The following HELZ variants were observed in gnomAD, a reference collection of about 807,000 sequenced individuals.
HELZ encodes helicase with zinc finger.
In HELZ, 23 loss-of-function variants were observed where a neutral mutation model predicts 218.2. The ratio of observed to expected loss-of-function variants is 0.11; its 90% CI spans 0.08 to 0.15. HELZ has a LOEUF of 0.15. HELZ is among the 10% of genes least tolerant of loss of function. The probability of loss-of-function intolerance (pLI) is 1.00; values close to 1 mark genes in which losing one functional copy is unlikely to be tolerated. For synonymous variants in HELZ, 814 were observed against 829.4 expected (o/e 0.98, Z 0.32); for missense variants, 1,813 against 2,353.7 (o/e 0.77, Z 4.75).
At position 67,216,349 on chromosome 17, in the gene HELZ, C is replaced by T. The variant is rs1038123622; in HGVS notation, c.211-414G>A. ...CATGCTCCTTTCTAAAGTCAACCTACGCCTGTGCAGATCAACTCAGCCGCC... is the reference window on the plus strand; with the variant it reads ...CATGCTCCTTTCTAAAGTCAACCTATGCCTGTGCAGATCAACTCAGCCGCC... On this transcript the variant is annotated intron_variant, in intron 4 of 32. Coordinates refer to ENST00000358691, the MANE Select transcript of HELZ (RefSeq NM_014877.4). Among the ~76,000 whole-genome samples, 12 of 152,286 alleles carry T rather than the reference C, an allele frequency of 7.9e-5. No homozygotes were observed. The East Asian group carries it at 1.2e-3, about 15-fold the overall frequency.
intron 27 of HELZ, among the ~76,000 whole-genome samples, chr17:67,118,495 G>GA (rs1239837890): frequency 1.3e-5 from 2 of 151,562 alleles, no homozygotes; most frequent in African/African-American, 2.4e-5. Flanking sequence ...ATCCATAGAA[G>GA]AAAAAATGGA....
intron 3 of HELZ, among the ~76,000 whole-genome samples, chr17:67,222,754 G>T (rs949988081): frequency 1.3e-5 from 2 of 152,192 alleles, no homozygotes; most frequent in African/African-American, 4.8e-5. Context: ...AAGTCAAAAT[G>T]AGAAAACATC....
chr17:67,074,815 T>C lies in HELZ; in HGVS notation c.*3437A>G, dbSNP rs1400247134. On this transcript the variant is annotated 3_prime_UTR_variant, in exon 33 of 33. Transcript: ENST00000358691. ...CAGTTCTCTGAACTGAAAAGACCAG[T>C]TGATGTTTACATTAAACCTAAACTT... 1 of 152,136 alleles carries C rather than the reference T, an allele frequency of 6.6e-6. No homozygotes were observed. The highest frequency in any genetic ancestry group is 1.9e-4 in the East Asian group (1 of 5,186). The allele number at this position is 152,136 out of a possible 1,614,324, so 9.4% of individuals were successfully genotyped here. A position where few individuals can be genotyped will look rare whatever the true frequency, so the allele number is the denominator to read the frequency against.
At chr17:67,185,300 C>T (rs1419528223) in intron 12 of HELZ, among the ~76,000 whole-genome samples, 3 of 152,088 alleles carry the variant, frequency 2.0e-5, no homozygotes, top group East Asian at 3.8e-4. Context: ...TGGACTCTCC[C>T]GTGATAATCA....
At chr17:67,235,962 G>A (rs1291090328) in intron 3 of HELZ, among the ~76,000 whole-genome samples, 6 of 151,934 alleles carry the variant, frequency 3.9e-5, no homozygotes, top group East Asian at 1.9e-4. Context: ...GGGTTTCATC[G>A]TGTTAGCCAG....
chr17:67,079,372 T>C (rs2036116377), intron 32 of HELZ, among the ~76,000 whole-genome samples: 1 of 152,240 alleles, frequency 6.6e-6, no homozygotes, highest in Non-Finnish European at 1.5e-5. Flanking sequence ...GTTTTATTTT[T>C]CCCTAAGTAC....
Position 67,071,778 on chromosome 17 carries a change from T to C in HELZ, c.*6474A>G, listed in dbSNP as rs2035891459. 1.3e-5 allele frequency: 2 copies of C among 152,600 alleles called. No homozygotes were observed. Among genetic ancestry groups the C allele is most frequent in the South Asian group, 4.1e-4 (2 of 4,836 alleles). 9.5% of individuals were successfully genotyped at this position (152,600 alleles called of 1,614,324 possible). A position where few individuals can be genotyped will look rare whatever the true frequency, so the allele number is the denominator to read the frequency against. On this transcript the variant is annotated 3_prime_UTR_variant, in exon 33 of 33. Coordinates refer to ENST00000358691, the MANE Select transcript of HELZ (RefSeq NM_014877.4). ...TAACTTGCTCATACATGTGCACCTA[T>C]GACTTATGAATAATTCATGCTGTGT... is the stretch of plus-strand genomic sequence containing the variant.
chr17:67,153,261 C>G (rs1235538186), intron 17 of HELZ, among the ~76,000 whole-genome samples: 2 of 152,008 alleles, frequency 1.3e-5, no homozygotes, highest in African/African-American at 4.8e-5. Context: ...AAAGAAGAAG[C>G]TGTGTATCCA....
chr17:67,138,045 C>G lies in HELZ; in HGVS notation c.2839G>C (p.Asp947His). 6.2e-7 allele frequency: 1 copy of G among 1,613,940 alleles called. No individual in the cohort carries two copies. The highest frequency in any genetic ancestry group is 8.5e-7 in the Non-Finnish European group (1 of 1,179,882). Residue 947 changes from aspartate to histidine, a missense_variant, in exon 22 of 33, where the codon GAT (aspartate) becomes CAT (histidine). Asp to His is a moderately conservative substitution (Grantham distance 81). Transcript: ENST00000358691. ...GGAGTCACCACACCAATACTGCCAT[C>G]ATCTAACTTCCCCCACGCTACTGGC... is the stretch of plus-strand genomic sequence containing the variant. ...KWPVAWGKLD[D>H]GSIGVVTPYA...
At chr17:67,112,363 T>A (rs1053741184) in intron 28 of HELZ, among the ~76,000 whole-genome samples, 2 of 152,242 alleles carry the variant, frequency 1.3e-5, no homozygotes, top group African/African-American at 4.8e-5. Context: ...TGAGAGCACC[T>A]AAGACTCGTG....
At chr17:67,234,175 T>G (rs1430048143) in intron 3 of HELZ, among the ~76,000 whole-genome samples, 1 of 148,968 alleles carries the variant, frequency 6.7e-6, no homozygotes, top group African/African-American at 2.5e-5. Flanking sequence ...ATACAAAAAT[T>G]AGGTGGGCGT....
intron 23 of HELZ, among the ~76,000 whole-genome samples, chr17:67,134,890 G>A (rs1022960505): frequency 6.6e-6 from 1 of 151,530 alleles, no homozygotes. Context: ...CCTATGACAG[G>A]TACTAGCACA....
At chr17:67,123,816 T>TGTGG in intron 25 of HELZ, 147 bp downstream of exon 25, 1 of 243,222 alleles carries the variant, frequency 4.1e-6, no homozygotes, top group Non-Finnish European at 8.3e-6. Context: ...CCAAAGTGAC[T>TGTGG]GTGTGTGTGT....
chr17:67,126,789 A>G (rs942139111), intron 24 of HELZ, among the ~76,000 whole-genome samples: 1 of 152,124 alleles, frequency 6.6e-6, no homozygotes, highest in Admixed American at 6.5e-5. Flanking sequence ...TAAACCCGGG[A>G]GGCGGAGGCT....
At chr17:67,177,199 C>T (rs1269843324) in intron 13 of HELZ, among the ~76,000 whole-genome samples, 1 of 152,064 alleles carries the variant, frequency 6.6e-6, no homozygotes, top group Non-Finnish European at 1.5e-5. Context: ...GCAATCCATC[C>T]ACCTCAGCCT....
At chr17:67,207,281 C>T (rs943737437) in intron 5 of HELZ, among the ~76,000 whole-genome samples, 2 of 126,954 alleles carry the variant, frequency 1.6e-5, no homozygotes, top group African/African-American at 6.1e-5. Context: ...AGTGCAGTGG[C>T]ATGATTAGGC....
intron 32 of HELZ, among the ~76,000 whole-genome samples, chr17:67,086,362 A>G (rs548533333): frequency 9.9e-5 from 15 of 151,842 alleles, no homozygotes; most frequent in Admixed American, 5.9e-4. Flanking sequence ...AGGCGGGTCG[A>G]TCACCTGAGG....
At chr17:67,096,619 A>T (rs561342738) in intron 31 of HELZ, among the ~76,000 whole-genome samples, 2 of 152,318 alleles carry the variant, frequency 1.3e-5, no homozygotes, top group Admixed American at 1.3e-4. Context: ...CTTAAACCTC[A>T]TGAACCAACC....
chr17:67,094,333 A>AAAGAGAGAGAGAGAGAG lies in HELZ; in HGVS notation c.5242-7253_5242-7252insCTCTCTCTCTCTCTCTT, dbSNP rs528061407. ...GGAGACCTGGTCTTGAAAAAAAAAA[A>AAAGAGAGAGAGAGAGAG]AGAGAGAGAGAGAGAGAGAGATACA... is the stretch of plus-strand genomic sequence containing the variant. On this transcript the variant is annotated intron_variant, in intron 31 of 32. Transcript: ENST00000358691. Among the ~76,000 whole-genome samples the AAAGAGAGAGAGAGAGAG allele has an allele frequency of 2.9e-4, 42 of 146,632 alleles. 1 individual carries two copies. Among genetic ancestry groups the AAAGAGAGAGAGAGAGAG allele is most frequent in the African/African-American group, 1.1e-3 (40 of 38,030 alleles).
Sources: gnomAD v4.1 joint callset for allele counts (sites outside exome capture counted in the v4.1 genomes callset) on GRCh38, gnomAD v4.1.1 for gene constraint, MANE v1.5 for transcripts, NCBI Gene and HGNC (gene_info 2026-07-23, HGNC 2026-07-21) for gene names.